Variants in CREB5 observed in about 807,000 individuals in gnomAD.
CREB5 encodes cyclic AMP-responsive element-binding protein 5.
Under a neutral mutation model 57.1 loss-of-function variants are expected in CREB5, and 19 were observed. That is an observed-to-expected ratio of 0.33 (90% CI 0.23 to 0.49). The LOEUF is 0.49. CREB5 is among the 20% of genes least tolerant of loss of function. The pLI is 0.99. For missense variants in CREB5, 579 were observed against 671.6 expected, an observed-to-expected ratio of 0.86 and a Z score of 1.52; for synonymous variants, 238 against 238.3, an observed-to-expected ratio of 1.00 and a Z score of 0.01.
rs1179574667 is a variant in CREB5 at position 28,452,653 on chromosome 7, T to C, written c.4-35522T>C. Among the ~76,000 whole-genome samples the C allele has an allele frequency of 7.9e-5, 12 of 152,264 alleles. No homozygotes were observed. The East Asian group carries it at 1.7e-3, about 22-fold the overall frequency. On this transcript the variant is annotated intron_variant, in intron 1 of 10. Coordinates refer to ENST00000357727, the MANE Select transcript of CREB5 (RefSeq NM_182898.4). ...GGAGCAGGGGAGGGAATGGTGTTCC[T>C]AGAGCCCCATGAGAGCTGGGGCCTA...
rs1037445368 is a variant in CREB5 at position 28,321,770 on chromosome 7, G to A, written c.-25+22329G>A. Among the ~76,000 whole-genome samples, 4 of 152,168 alleles carry A rather than the reference G, an allele frequency of 2.6e-5. No individual in the cohort carries two copies. The East Asian group carries it at 7.7e-4, about 29-fold the overall frequency. On this transcript the variant is annotated intron_variant, in intron 1 of 9. Coordinates refer to the CREB5 transcript ENST00000396299. ...CATTGTTCCACTGGACTTCACTTAG[G>A]AGAAACACATTCAAAGGTAAAATTA...
rs529359548 is a variant in CREB5 at position 28,319,936 on chromosome 7, A to T, written c.-25+20495A>T. On this transcript the variant is annotated intron_variant, in intron 1 of 9. Coordinates refer to the CREB5 transcript ENST00000396299. Reference sequence around the variant, plus strand: ...CTTTTATGTAATTTTCTTAATTTTTAAAAAAATTTTTTGAGACAAGTTCTC... The same window carrying T: ...CTTTTATGTAATTTTCTTAATTTTTTAAAAAATTTTTTGAGACAAGTTCTC... 8.1e-4 allele frequency among the ~76,000 whole-genome samples: 123 copies of T among 151,488 alleles called. 1 individual carries two copies. Among genetic ancestry groups the T allele is most frequent in the African/African-American group, 2.6e-3 (106 of 41,282 alleles).
At chr7:28,436,390 T>C (rs1647913142) in intron 1 of CREB5, among the ~76,000 whole-genome samples, 1 of 152,134 alleles carries the variant, frequency 6.6e-6, no homozygotes, top group Non-Finnish European at 1.5e-5. Flanking sequence ...AACAGCAGTG[T>C]TGTTCCCTCC....
intron 5 of CREB5, among the ~76,000 whole-genome samples, chr7:28,589,630 C>T (rs375032780): frequency 2.0e-5 from 3 of 152,182 alleles, no homozygotes; most frequent in East Asian, 3.9e-4. Context: ...TTACAAATAG[C>T]GAAATGCATA....
At chr7:28,738,875 G>A (rs1056964948) in intron 7 of CREB5, among the ~76,000 whole-genome samples, 1 of 152,144 alleles carries the variant, frequency 6.6e-6, no homozygotes, top group Non-Finnish European at 1.5e-5. Flanking sequence ...TGAGCAATCA[G>A]TTCATTCATT....
intron 5 of CREB5, among the ~76,000 whole-genome samples, chr7:28,629,614 T>A (rs1474539569): frequency 6.6e-6 from 1 of 152,210 alleles, no homozygotes; most frequent in Non-Finnish European, 1.5e-5. Flanking sequence ...AGGGCCCCTT[T>A]AAACACAGAG....
At chr7:28,387,145 A>G (rs1026180127) in intron 1 of CREB5, among the ~76,000 whole-genome samples, 2 of 152,192 alleles carry the variant, frequency 1.3e-5, no homozygotes, top group Non-Finnish European at 2.9e-5. Context: ...TCTTTGAGGA[A>G]TTGCCACACT....
intron 3 of CREB5, among the ~76,000 whole-genome samples, chr7:28,502,409 TAAGAA>T (rs2128603821): frequency 6.6e-6 from 1 of 152,282 alleles, no homozygotes; most frequent in Non-Finnish European, 1.5e-5. Context: ...GAAAAGTACC[TAAGAA>T]AAATACCTTT....
chr7:28,415,321 G>A (rs1026459112), intron 1 of CREB5, among the ~76,000 whole-genome samples: 1 of 152,090 alleles, frequency 6.6e-6, no homozygotes, highest in East Asian at 1.9e-4. Context: ...CTCACCCAAG[G>A]CCCAGAGCTA....
In CREB5 at chr7:28,435,368, C is replaced by T. The variant is rs572532126; in HGVS notation, c.3+22451C>T. On this transcript the variant is annotated intron_variant, in intron 1 of 10. Transcript: ENST00000357727. The stretch of plus-strand genomic sequence containing the variant: ...TTGTCAGTGGGGATGTGCATTTTGA[C>T]CTTTTCCCTTCCATTTTTTTTTTTT... Among the ~76,000 whole-genome samples, 6 of 149,652 alleles carry T rather than the reference C, an allele frequency of 4.0e-5. No individual in the cohort carries two copies. The South Asian group carries it at 1.3e-3, about 32-fold the overall frequency.
intron 7 of CREB5, among the ~76,000 whole-genome samples, chr7:28,758,511 C>T (rs1197320976): frequency 6.6e-6 from 1 of 152,150 alleles, no homozygotes; most frequent in Non-Finnish European, 1.5e-5. Flanking sequence ...ACTGAACTAG[C>T]TTGTCAATTC....
At chr7:28,341,054 G>A (rs776265682) in intron 1 of CREB5, among the ~76,000 whole-genome samples, 1 of 152,082 alleles carries the variant, frequency 6.6e-6, no homozygotes, top group Non-Finnish European at 1.5e-5. Context: ...CTTCTTCAGA[G>A]CCCCTTTCAG....
intron 4 of CREB5, among the ~76,000 whole-genome samples, chr7:28,534,522 G>A (rs115856140): frequency 1.3e-5 from 2 of 152,204 alleles, no homozygotes; most frequent in African/African-American, 4.8e-5. Flanking sequence ...TTATTACTGA[G>A]CAAGATGACA....
At chr7:28,754,564 G>C (rs897609121) in intron 7 of CREB5, among the ~76,000 whole-genome samples, 8 of 152,158 alleles carry the variant, frequency 5.3e-5, no homozygotes, top group Admixed American at 1.3e-4. Context: ...GCAGTGGCAG[G>C]CTAAGTCACC....
At chr7:28,642,951 T>TACACACACACACACACAC (rs751628412) in intron 5 of CREB5, among the ~76,000 whole-genome samples, 1 of 89,746 alleles carries the variant, frequency 1.1e-5, no homozygotes, top group Non-Finnish European at 2.3e-5. Context: ...AGGGTAGATT[T>TACACACACACACACACAC]ACACACACAC....
chr7:28,424,902 A>G (rs2128012342), intron 1 of CREB5, among the ~76,000 whole-genome samples: 1 of 152,362 alleles, frequency 6.6e-6, no homozygotes, highest in South Asian at 2.1e-4. Flanking sequence ...GCACAATGAA[A>G]AGACAAAATT....
intron 1 of CREB5, among the ~76,000 whole-genome samples, chr7:28,345,563 A>G (rs965285780): frequency 1.3e-5 from 2 of 152,176 alleles, no homozygotes; most frequent in African/African-American, 4.8e-5. Flanking sequence ...CTGCAGGCAG[A>G]GAGGTACTGA....
At chr7:28,405,982 A>G (rs568908411) in intron 1 of CREB5, among the ~76,000 whole-genome samples, 1 of 152,154 alleles carries the variant, frequency 6.6e-6, no homozygotes, top group Non-Finnish European at 1.5e-5. Context: ...ACTGACTTTA[A>G]TAAGTTGCCT....
chr7:28,676,946 A>C (rs1161516564), intron 5 of CREB5, among the ~76,000 whole-genome samples: 3 of 152,228 alleles, frequency 2.0e-5, no homozygotes, highest in African/African-American at 7.2e-5. Context: ...CCTGGAGACC[A>C]TAATGCCATA....
Sources: allele counts gnomAD v4.1 joint callset (sites outside exome capture counted in the v4.1 genomes callset), GRCh38; gene constraint gnomAD v4.1.1; transcripts MANE v1.5; gene names NCBI Gene and HGNC (gene_info 2026-07-23, HGNC 2026-07-21).